Variants in PI4KA observed in about 807,000 individuals in gnomAD.
PI4KA encodes the protein PI4-kinase alpha.
Under a neutral mutation model 271.4 loss-of-function variants are expected in PI4KA, and 122 were observed. That is an observed-to-expected ratio of 0.45 (90% CI 0.39 to 0.52). PI4KA has a LOEUF of 0.52. Among genes scored for constraint, PI4KA ranks in the 20% least tolerant of loss-of-function variants. The pLI, the probability that PI4KA is intolerant of heterozygous loss-of-function variation, is 0.00. For missense variants in PI4KA, 1,969 were observed against 2,769.1 expected, an observed-to-expected ratio of 0.71 and a Z score of 6.48; for synonymous variants, 1,041 against 1,078.8, an observed-to-expected ratio of 0.96 and a Z score of 0.69.
chr22:20,812,488 G>C (rs531335581), intron 8 of PI4KA, among the ~76,000 whole-genome samples: 22 of 152,108 alleles, frequency 1.4e-4, no homozygotes, highest in Admixed American at 7.9e-4. Context: ...ATCATCACCC[G>C]TACCTATTCA....
At position 20,753,140 on chromosome 22, in the gene PI4KA, G is replaced by A. The variant is rs964489134; in HGVS notation, c.2832C>T (p.Phe944=). 11 of 1,613,672 alleles carry A rather than the reference G, an allele frequency of 6.8e-6. No homozygotes were observed. Among genetic ancestry groups the A allele is most frequent in the East Asian group, 2.2e-5 (1 of 44,902 alleles). Residue 944 remains phenylalanine (F), a synonymous_variant, in exon 24 of 55, where the codon TTC becomes TTT. Transcript: ENST00000255882. ...CCGCCATCATGTTCAGGAAGGCATC[G>A]AATACTTTGTCCGCGACTGCAATCA... ...QCVIAVADKV[F]DAFLNMMADK... is the part of the protein sequence containing the mutation.
Position 20,765,707 on chromosome 22 carries a change from A to C in PI4KA, c.2329-14T>G, listed in dbSNP as rs73161000. The C allele has an allele frequency of 2.6e-5, 41 of 1,568,462 alleles. No homozygotes were observed. The African/African-American group carries it at 5.4e-4, about 21-fold the overall frequency. On this transcript the variant is annotated splice_polypyrimidine_tract_variant and intron_variant, in intron 19 of 54. Coordinates refer to ENST00000255882, the MANE Select transcript of PI4KA (RefSeq NM_058004.4). ...TCGTCGGGTGAGCTGATGTGCCAAG[A>C]AGAGAGGGAGAAAGGAGGTTATTTG... is the stretch of plus-strand genomic sequence containing the variant.
At chr22:20,757,061 G>T (rs1931391241) in intron 23 of PI4KA, among the ~76,000 whole-genome samples, 1 of 152,210 alleles carries the variant, frequency 6.6e-6, no homozygotes, top group African/African-American at 2.4e-5. Context: ...TCACGTTCCT[G>T]TGCAGCTGAG....
intron 1 of PI4KA, among the ~76,000 whole-genome samples, chr22:20,846,499 G>C (rs1173898533): frequency 2.0e-5 from 3 of 152,018 alleles, no homozygotes; most frequent in Admixed American, 6.6e-5. Flanking sequence ...AACACACAGT[G>C]GGGGGAACAA....
At chr22:20,737,110 G>A (rs1197173364) in intron 32 of PI4KA, among the ~76,000 whole-genome samples, 1 of 152,236 alleles carries the variant, frequency 6.6e-6, no homozygotes, top group Non-Finnish European at 1.5e-5. Context: ...GATGCACCTG[G>A]ACTAGGAGTG....
chr22:20,725,024 G>C (rs1927185649), intron 42 of PI4KA, among the ~76,000 whole-genome samples: 1 of 152,234 alleles, frequency 6.6e-6, no homozygotes, highest in Admixed American at 6.5e-5. Flanking sequence ...TGAGGGCAGT[G>C]AATGATTCCA....
rs773048307 is a variant in PI4KA, at chr22:20,813,427, G to T, written c.936C>A (p.Pro312=). 8 of 1,613,544 alleles carry T rather than the reference G, an allele frequency of 5.0e-6. No individual in the cohort carries two copies. The highest frequency in any genetic ancestry group is 6.8e-6 in the Non-Finnish European group (8 of 1,179,516). ...STISSSFSVS[P]LFNGVTYKEF... ...CCTTATATGTGACACCGTTGAAAAGGGGAGAGACTGAGAAGCTGGAGCTGA... is the reference window on the plus strand; with the variant it reads ...CCTTATATGTGACACCGTTGAAAAGTGGAGAGACTGAGAAGCTGGAGCTGA... Residue 312 remains proline (P), a synonymous_variant, in exon 8 of 55, where the codon CCC becomes CCA. Coordinates refer to ENST00000255882, the MANE Select transcript of PI4KA (RefSeq NM_058004.4).
Position 20,752,036 on chromosome 22 carries a change from C to T in PI4KA, c.2988-281G>A, listed in dbSNP as rs1005863114. Among the ~76,000 whole-genome samples, 4 of 152,164 alleles carry T rather than the reference C, an allele frequency of 2.6e-5. No individual in the cohort carries two copies. The East Asian group carries it at 7.7e-4, about 29-fold the overall frequency. ...CTTGGTTATGCACTGGCCAGGACAC[C>T]CCTCACTTTCCAAAGCAATCCTCTT... On this transcript the variant is annotated intron_variant, in intron 25 of 54. Coordinates refer to ENST00000255882, the MANE Select transcript of PI4KA (RefSeq NM_058004.4).
chr22:20,848,237 C>CAA lies in PI4KA; in HGVS notation c.157-9508_157-9507dup, dbSNP rs60503165. Among the ~76,000 whole-genome samples, 166 of 50,110 alleles carry CAA rather than the reference C, an allele frequency of 3.3e-3. 2 individuals carry two copies. Among genetic ancestry groups the CAA allele is most frequent in the Middle Eastern group, 0.01 (1 of 100 alleles). The allele number at this position is 50,110 out of a possible 152,430, so 32.9% of individuals were successfully genotyped here. On this transcript the variant is annotated intron_variant, in intron 1 of 54. Coordinates refer to ENST00000255882, the MANE Select transcript of PI4KA (RefSeq NM_058004.4). ...TGGGTGACAGAGCGAGACTCCATCT[C>CAA]AAAAAAAAAAAAAAAAAAAAAAAGG...
At chr22:20,828,892 G>C (rs1923793944) in intron 3 of PI4KA, among the ~76,000 whole-genome samples, 1 of 152,158 alleles carries the variant, frequency 6.6e-6, no homozygotes, top group Non-Finnish European at 1.5e-5. Context: ...TGAATTTTAT[G>C]AAAAGCCTCT....
intron 23 of PI4KA, among the ~76,000 whole-genome samples, chr22:20,758,906 C>A (rs1364987488): frequency 6.6e-6 from 1 of 152,192 alleles, no homozygotes; most frequent in Non-Finnish European, 1.5e-5. Flanking sequence ...TCTTTCCTTG[C>A]CAACTCCACT....
At chr22:20,787,114 G>A in intron 19 of PI4KA, 1 of 1,515,860 alleles carries the variant, frequency 6.6e-7, no homozygotes, top group Admixed American at 1.7e-5. Flanking sequence ...CCCTCATTTT[G>A]TTTCCATTCC....
At chr22:20,737,171 G>A (rs1311122476) in intron 32 of PI4KA, among the ~76,000 whole-genome samples, 1 of 152,202 alleles carries the variant, frequency 6.6e-6, no homozygotes, top group Non-Finnish European at 1.5e-5. Context: ...GCAGGGAGGA[G>A]GAGCCCTGGG....
At chr22:20,769,180 G>A (rs1418283104) in intron 19 of PI4KA, among the ~76,000 whole-genome samples, 1 of 152,190 alleles carries the variant, frequency 6.6e-6, no homozygotes, top group African/African-American at 2.4e-5. Context: ...ACAGAAAAGA[G>A]GAAGTAAGTG....
At chr22:20,817,419 T>C (rs988852570) in intron 7 of PI4KA, among the ~76,000 whole-genome samples, 3 of 151,938 alleles carry the variant, frequency 2.0e-5, no homozygotes, top group African/African-American at 7.2e-5. Context: ...TAAAAGTACT[T>C]TGTGAACAGC....
At chr22:20,801,590 AAT>A (rs941615861) in intron 14 of PI4KA, among the ~76,000 whole-genome samples, 1 of 151,334 alleles carries the variant, frequency 6.6e-6, no homozygotes, top group Non-Finnish European at 1.5e-5. Context: ...TATAAAAAAA[AAT>A]GTATAAATGG....
chr22:20,807,108 C>T (rs985622265), intron 10 of PI4KA, among the ~76,000 whole-genome samples: 5 of 152,284 alleles, frequency 3.3e-5, no homozygotes, highest in South Asian at 2.1e-4. Flanking sequence ...ATAACATGCA[C>T]ATTTTAGATA....
chr22:20,854,006 T>A (rs898614192), intron 1 of PI4KA, among the ~76,000 whole-genome samples: 2 of 151,572 alleles, frequency 1.3e-5, no homozygotes. Flanking sequence ...GGGAAACTTG[T>A]AGCAAGGCTG....
chr22:20,831,781 CT>C (rs963364806), intron 3 of PI4KA, among the ~76,000 whole-genome samples: 48 of 152,184 alleles, frequency 3.2e-4, no homozygotes, highest in African/African-American at 1.0e-3. Flanking sequence ...CTTGGAGAAT[CT>C]GATGACTATG....
Sources: gnomAD v4.1 joint callset for allele counts (sites outside exome capture counted in the v4.1 genomes callset) on GRCh38, gnomAD v4.1.1 for gene constraint, MANE v1.5 for transcripts, NCBI Gene and HGNC (gene_info 2026-07-23, HGNC 2026-07-21) for gene names.